Variants in MYH3 observed in about 807,000 individuals in gnomAD.
MYH3 encodes the protein myosin-3.
A neutral mutation model predicts 238.0 loss-of-function variants in MYH3; 130 were observed. That is an observed-to-expected ratio of 0.55 (90% confidence interval 0.47 to 0.63). The LOEUF is 0.63. Ranked by LOEUF, MYH3 falls within the 30% of genes least tolerant of loss-of-function variation. The pLI, the probability that MYH3 is intolerant of heterozygous loss-of-function variation, is 0.00. For missense variants in MYH3, 1,853 were observed against 2,374.9 expected, an observed-to-expected ratio of 0.78 and a Z score of 4.57; for synonymous variants, 880 against 924.1, an observed-to-expected ratio of 0.95 and a Z score of 0.86.
the MYH3 span, chr17:10,673,154 C>G: frequency 6.6e-6 from 1 of 152,214 alleles, no homozygotes; most frequent in Non-Finnish European, 1.5e-5. Flanking sequence ...CAGGCGCCCG[C>G]CACCACGTCT....
At chr17:10,637,600 T>C (rs1332449434) in intron 28 of MYH3, among the ~76,000 whole-genome samples, 2 of 152,192 alleles carry the variant, frequency 1.3e-5, no homozygotes, top group Non-Finnish European at 2.9e-5. Flanking sequence ...TACTCCTCTT[T>C]CTCTCTTATT....
chr17:10,660,983 T>A (rs191417735), upstream of MYH3, among the ~76,000 whole-genome samples: 14 of 145,768 alleles, frequency 9.6e-5, no homozygotes, highest in Admixed American at 3.4e-4. Flanking sequence ...AGACTCCTTA[T>A]TTTTTTTTTT....
Position 10,644,209 on chromosome 17 carries a change from G to A in MYH3, c.1410+142C>T, listed in dbSNP as rs372994336. On this transcript the variant is annotated intron_variant, in intron 14 of 40. Coordinates refer to ENST00000583535, the MANE Select transcript of MYH3 (RefSeq NM_002470.4). ...AATACAAACCCTTCCAATAAGTACCGCTCCTCTATTCCATCCACTCTCCAT... is the reference window on the plus strand; with the variant it reads ...AATACAAACCCTTCCAATAAGTACCACTCCTCTATTCCATCCACTCTCCAT... 451 of 842,100 alleles carry A rather than the reference G, an allele frequency of 5.4e-4. 4 individuals carry two copies. The South Asian group carries it at 5.5e-3, about 10-fold the overall frequency. 52.2% of individuals were successfully genotyped at this position (842,100 alleles called of 1,614,324 possible).
chr17:10,660,992 T>G (rs1410900904), upstream of MYH3, among the ~76,000 whole-genome samples: 1 of 150,550 alleles, frequency 6.6e-6, no homozygotes, highest in African/African-American at 2.4e-5. Context: ...ATTTTTTTTT[T>G]TGAGACAGAG....
At chr17:10,631,488 G>C in intron 36 of MYH3, 123 bp downstream of exon 36, 1 of 1,430,396 alleles carries the variant, frequency 7.0e-7, no homozygotes, top group Non-Finnish European at 9.7e-7. Flanking sequence ...GGAGATGGGA[G>C]CCCTCGGGGA....
intron 5 of MYH3, 29 bp from the exon 6 acceptor site, chr17:10,650,430 G>C: frequency 6.2e-7 from 1 of 1,602,328 alleles, no homozygotes; most frequent in Non-Finnish European, 8.5e-7. Flanking sequence ...AAATAGAGTT[G>C]ATGGCAATAG....
In MYH3 at chr17:10,655,057, C is replaced by T; in HGVS notation, c.8G>A (p.Ser3Asn). The T allele has an allele frequency of 6.2e-7, 1 of 1,614,172 alleles. No individual in the cohort carries two copies. The highest frequency in any genetic ancestry group is 1.3e-5 in the African/African-American group (1 of 75,034). MSSDTEMEVFGIA... is the reference protein window; with the variant it reads MSNDTEMEVFGIA... ...GCCGAACACTTCCATTTCAGTGTCA[C>T]TACTCATGGTGTCAGCTGGAAGGCA... The change falls in exon 3 of 41, where the codon AGT (serine) becomes AAT (asparagine). Residue 3 changes from serine (S) to asparagine (N), a missense_variant. Coordinates refer to ENST00000583535, the MANE Select transcript of MYH3 (RefSeq NM_002470.4).
Position 10,644,674 on chromosome 17 carries a change from G to T in MYH3, c.1170C>A (p.Gly390=). ...EVADKTAYLM[G]LNSSDLLKAL... ...CTTTTAGGAGGTCCGAAGAGTTCAGGCCCATCAGATAGGCTGTTTTGTCAG... is the reference window on the plus strand; with the variant it reads ...CTTTTAGGAGGTCCGAAGAGTTCAGTCCCATCAGATAGGCTGTTTTGTCAG... Residue 390 remains glycine, a synonymous_variant, in exon 13 of 41, where the codon GGC becomes GGA. Coordinates refer to ENST00000583535, the MANE Select transcript of MYH3 (RefSeq NM_002470.4). 1 of 1,613,930 alleles carries T rather than the reference G, an allele frequency of 6.2e-7. No homozygotes were observed.
intron 31 of MYH3, 114 bp from the exon 32 acceptor site, chr17:10,634,296 C>T: frequency 7.9e-7 from 1 of 1,263,826 alleles, no homozygotes; most frequent in Admixed American, 1.7e-5. Flanking sequence ...CATCACTTGC[C>T]TGGCTCCTTG....
At chr17:10,648,758 C>T in intron 7 of MYH3, 109 bp from the exon 8 acceptor site, 3 of 901,636 alleles carry the variant, frequency 3.3e-6, no homozygotes, top group Non-Finnish European at 5.5e-6. Context: ...TTACTGCAAC[C>T]TCCACCTCCC....
the MYH3 span, chr17:10,675,558 C>T: frequency 6.6e-6 from 1 of 152,120 alleles, no homozygotes; most frequent in Non-Finnish European, 1.5e-5. Context: ...CCAGATCAAG[C>T]TACTGAACAT....
In MYH3 at chr17:10,642,640, G is replaced by C. The variant is rs559527301; in HGVS notation, c.1665C>G (p.Asp555Glu). Residue 555 changes from aspartate to glutamate, a missense_variant, in exon 16 of 41, where the codon GAC becomes GAG. This residue lies in a region of MYH3 where 678 missense variants were observed against 1,058.9 expected (regional missense o/e 0.64). Transcript: ENST00000583535. The surrounding 1 kb of genome is among the most constrained non-coding windows in gnomAD (Gnocchi z 5.4). ...AGTTGTTGGACTTTCCAAGATGCTGGTCATACAGCTTGTTCTTGAAGGAGG... is the reference window on the plus strand; with the variant it reads ...AGTTGTTGGACTTTCCAAGATGCTGCTCATACAGCTTGTTCTTGAAGGAGG... ...TDTSFKNKLY[D>E]QHLGKSNNFQ... 4 of 1,614,232 alleles carry C rather than the reference G, an allele frequency of 2.5e-6. No individual in the cohort carries two copies. The highest frequency in any genetic ancestry group is 3.4e-6 in the Non-Finnish European group (4 of 1,180,040).
At chr17:10,651,987 C>T (rs906336147) in intron 4 of MYH3, 3 of 393,198 alleles carry the variant, frequency 7.6e-6, no homozygotes, top group South Asian at 4.6e-5. Context: ...ATGATCCACC[C>T]GCCTTACCCT....
rs1219035969 is a variant in MYH3 at position 10,642,428 on chromosome 17, G to C, written c.1877C>G (p.Ala626Gly). 2 of 1,614,048 alleles carry C rather than the reference G, an allele frequency of 1.2e-6. No homozygotes were observed. The highest frequency in any genetic ancestry group is 3.3e-5 in the Admixed American group (2 of 60,006). The change falls in exon 16 of 41, where the codon GCC becomes GGC. Residue 626 changes from alanine to glycine, a missense_variant. Physicochemically the swap from Ala to Gly is moderately conservative, Grantham distance 60. Around this residue, in one of 3 missense-constraint regions of MYH3, gnomAD observed 678 missense variants for 1,058.9 expected, o/e 0.64. Transcript: ENST00000583535. The surrounding 1 kb of genome is among the most constrained non-coding windows in gnomAD (Gnocchi z 5.4). ...AGCACTCCTCTTACCATCCGCCGTG[G>C]CAAACGTGGCATAGAGGTGTGCCAG... is the stretch of plus-strand genomic sequence containing the variant. Reference protein sequence around the residue: ...RLLAHLYATFATADADSGKKK... With the variant: ...RLLAHLYATFGTADADSGKKK...
intron 36 of MYH3, 108 bp downstream of exon 36, chr17:10,631,503 A>T: frequency 1.9e-6 from 3 of 1,543,204 alleles, no homozygotes; most frequent in Non-Finnish European, 1.8e-6. Flanking sequence ...CGGGGAGCAG[A>T]ATGTGCACCA....
chr17:10,628,771 C>T, intron 40 of MYH3, 92 bp from the exon 41 acceptor site: 1 of 1,363,882 alleles, frequency 7.3e-7, no homozygotes, highest in Non-Finnish European at 1.1e-6. Flanking sequence ...AGTTGCTTGC[C>T]TACTTCAGTG....
Position 10,638,232 on chromosome 17 carries a change from C to T in MYH3, c.3540G>A (p.Glu1180=). ...TGGCTTCGTGCTGCAGTGTGGCCTC[C>T]TCCAGGTCCCTGCGCAGCTTCAGGA... ...AEFLKLRRDL[E]EATLQHEAMV... The change falls in exon 27 of 41, where the codon GAG becomes GAA. Residue 1180 remains glutamate (E), a synonymous_variant. Transcript: ENST00000583535. The T allele has an allele frequency of 6.2e-7, 1 of 1,613,958 alleles. No homozygotes were observed. The highest frequency in any genetic ancestry group is 1.1e-5 in the South Asian group (1 of 91,060).
the MYH3 span, among the ~76,000 whole-genome samples, chr17:10,670,843 G>A: frequency 2.6e-5 from 4 of 151,906 alleles, no homozygotes; most frequent in Admixed American, 6.6e-5. The surrounding 1 kb of genome is among the most constrained non-coding windows in gnomAD (Gnocchi z 7.0). Flanking sequence ...ATGGTTCTAC[G>A]GTACCCCACT....
chr17:10,639,258 C>G, intron 24 of MYH3, 40 bp downstream of exon 24: 1 of 1,613,958 alleles, frequency 6.2e-7, no homozygotes, highest in African/African-American at 1.3e-5. Flanking sequence ...CTCTTCCAAC[C>G]CTGGAGTTCT....
Sources: gnomAD v4.1 joint callset for allele counts (sites outside exome capture counted in the v4.1 genomes callset) on GRCh38, gnomAD v4.1.1 for gene constraint, gnomAD v4.1.1 regional missense constraint, Gnocchi (gnomAD v3.1) non-coding constraint, MANE v1.5 for transcripts, NCBI Gene and HGNC (gene_info 2026-07-23, HGNC 2026-07-21) for gene names.